KCNMA1: variants seen among roughly 807,000 people sequenced by gnomAD.
KCNMA1 encodes the protein Calcium-activated potassium channel subunit alpha-1.
A neutral mutation model predicts 140.0 loss-of-function variants in KCNMA1; 29 were observed. That is an observed-to-expected ratio of 0.21 (90% CI 0.15 to 0.28). The LOEUF is 0.28. Among genes scored for constraint, KCNMA1 ranks in the 10% least tolerant of loss-of-function variants. The pLI, the probability that KCNMA1 is intolerant of heterozygous loss-of-function variation, is 1.00. For missense variants in KCNMA1, 880 were observed against 1,602.2 expected, an observed-to-expected ratio of 0.55 and a Z score of 7.70; for synonymous variants, 612 against 611.9, an observed-to-expected ratio of 1.00 and a Z score of 0.00.
intron 2 of KCNMA1, among the ~76,000 whole-genome samples, chr10:77,338,347 G>C (rs891312890): frequency 2.2e-5 from 1 of 44,748 alleles, no homozygotes; most frequent in Non-Finnish European, 4.8e-5. Flanking sequence ...TGGATCCCTG[G>C]CTCAATTACT....
In KCNMA1 at chr10:77,454,779, A is replaced by G. The variant is rs561402406; in HGVS notation, c.379-50756T>C. Reference sequence around the variant, plus strand: ...TGCAGCCTTCCATCACTCTTGGGCTATATTCTCTCTTAAGGTCTTCATATG... The same window carrying G: ...TGCAGCCTTCCATCACTCTTGGGCTGTATTCTCTCTTAAGGTCTTCATATG... On this transcript the variant is annotated intron_variant, in intron 1 of 27. Transcript: ENST00000286628. 1.2e-4 allele frequency among the ~76,000 whole-genome samples: 19 copies of G among 152,318 alleles called. 1 individual carries two copies. In the South Asian group the frequency reaches 3.7e-3, roughly 30 times the overall value.
chr10:77,411,392 A>G (rs1235113821), intron 1 of KCNMA1, among the ~76,000 whole-genome samples: 1 of 152,226 alleles, frequency 6.6e-6, no homozygotes, highest in Non-Finnish European at 1.5e-5. Flanking sequence ...ACTAGTAAAT[A>G]GTACTACTAA....
chr10:77,361,418 C>G (rs2093937987), intron 2 of KCNMA1, among the ~76,000 whole-genome samples: 1 of 152,216 alleles, frequency 6.6e-6, no homozygotes, highest in African/African-American at 2.4e-5. Context: ...ACAGGGACTT[C>G]CTCCCAGGAG....
chr10:77,517,466 G>T (rs2050978927), intron 1 of KCNMA1, among the ~76,000 whole-genome samples: 1 of 152,194 alleles, frequency 6.6e-6, no homozygotes, highest in African/African-American at 2.4e-5. Flanking sequence ...CAGGACATGG[G>T]CGTGTTATTA....
intron 5 of KCNMA1, among the ~76,000 whole-genome samples, chr10:77,142,228 G>A (rs7922300): frequency 0.43 from 65,602 of 151,470 alleles, 14,923 homozygotes; most frequent in Non-Finnish European, 0.49. Flanking sequence ...AAAATTAGCC[G>A]GGCGTGGTGG....
At chr10:77,587,733 G>A (rs1603637759) in intron 1 of KCNMA1, 9 of 985,410 alleles carry the variant, frequency 9.1e-6, no homozygotes, top group East Asian at 1.1e-4. Flanking sequence ...AGGCTGTTTT[G>A]CTTTCCCAGG....
intron 1 of KCNMA1, among the ~76,000 whole-genome samples, chr10:77,485,050 C>T (rs1008940290): frequency 5.3e-5 from 8 of 152,198 alleles, no homozygotes; most frequent in African/African-American, 1.9e-4. Flanking sequence ...CTCTAAGACT[C>T]ACTCTCTCCT....
intron 2 of KCNMA1, among the ~76,000 whole-genome samples, chr10:77,305,402 A>G (rs375125201): frequency 5.3e-5 from 8 of 152,346 alleles, no homozygotes; most frequent in African/African-American, 1.9e-4. Context: ...ACTTATAGAG[A>G]AAGAAACGAA....
At chr10:77,129,168 T>G (rs1262841213) in intron 5 of KCNMA1, among the ~76,000 whole-genome samples, 1 of 152,190 alleles carries the variant, frequency 6.6e-6, no homozygotes, top group Non-Finnish European at 1.5e-5. Flanking sequence ...TAACCTTTAA[T>G]TTGTTAATCT....
At chr10:77,269,477 A>G (rs889049321) in intron 2 of KCNMA1, among the ~76,000 whole-genome samples, 1 of 152,190 alleles carries the variant, frequency 6.6e-6, no homozygotes, top group Non-Finnish European at 1.5e-5. Context: ...ATATCCTCTC[A>G]GGGAAAGATA....
At position 77,637,581 on chromosome 10, in the gene KCNMA1, CT is replaced by C. The variant is rs1568034441; in HGVS notation, c.61del (p.Ser21AlafsTer5). ...GATATTGCTACTCATTCTAAGACTG[CT>C]GCCTCCGCCGCCGCCGCCGCCGCCG... The part of the protein sequence containing the change: ...SSGGGGGGGG[S>X]SLRMSSNIHA... On this transcript the variant is annotated frameshift_variant, in exon 1 of 28. Coordinates refer to ENST00000286628, the MANE Select transcript of KCNMA1 (RefSeq NM_001161352.2). LOFTEE classifies it high-confidence loss of function. The C allele has an allele frequency of 1.3e-6, 2 of 1,532,916 alleles. No individual in the cohort carries two copies. Among genetic ancestry groups the C allele is most frequent in the Admixed American group, 4.0e-5 (2 of 50,362 alleles). 95.0% of individuals were successfully genotyped at this position (1,532,916 alleles called of 1,614,324 possible).
At chr10:77,290,888 CATT>C (rs1343602397) in intron 2 of KCNMA1, among the ~76,000 whole-genome samples, 1 of 152,140 alleles carries the variant, frequency 6.6e-6, no homozygotes, top group African/African-American at 2.4e-5. Context: ...AAAGCTGTGG[CATT>C]TTTCTCATCA....
intron 5 of KCNMA1, among the ~76,000 whole-genome samples, chr10:77,139,494 C>G (rs1369570474): frequency 3.9e-5 from 6 of 152,200 alleles, no homozygotes; most frequent in Non-Finnish European, 2.9e-5. Context: ...TGCTTGCCAA[C>G]TGGAATTTTG....
intron 1 of KCNMA1, 59 bp downstream of exon 1, chr10:77,637,206 G>C (rs2093847914): frequency 8.1e-6 from 12 of 1,474,714 alleles, no homozygotes; most frequent in Non-Finnish European, 1.1e-5. Flanking sequence ...GTGGGCTGCA[G>C]GGGACGCCGA....
chr10:77,294,883 C>T lies in KCNMA1; in HGVS notation c.541-43627G>A, dbSNP rs1032305748. Among the ~76,000 whole-genome samples, 3 of 152,212 alleles carry T rather than the reference C, an allele frequency of 2.0e-5. No homozygotes were observed. The East Asian group carries it at 5.8e-4, about 29-fold the overall frequency. ...GCAGTCAGCCGAGATTGTGCCACTG[C>T]ACTCCAGCCTGGACAACAGAGCAAG... is the stretch of plus-strand genomic sequence containing the variant. On this transcript the variant is annotated intron_variant, in intron 2 of 27. Transcript: ENST00000286628.
chr10:77,330,970 C>A (rs1439721120), intron 2 of KCNMA1, among the ~76,000 whole-genome samples: 1 of 152,064 alleles, frequency 6.6e-6, no homozygotes, highest in Non-Finnish European at 1.5e-5. Flanking sequence ...TAGGAGGGTC[C>A]TATTGTTATT....
At chr10:77,326,107 G>A (rs1565993720) in intron 2 of KCNMA1, among the ~76,000 whole-genome samples, 2 of 152,320 alleles carry the variant, frequency 1.3e-5, no homozygotes, top group East Asian at 3.9e-4. Context: ...GTGATTGGAA[G>A]CCATTCATTC....
chr10:77,541,461 T>A (rs1386671020), intron 1 of KCNMA1, among the ~76,000 whole-genome samples: 1 of 152,032 alleles, frequency 6.6e-6, no homozygotes, highest in Non-Finnish European at 1.5e-5. Context: ...CATGAGACTG[T>A]GAAATAGAGA....
At chr10:76,949,990 C>T (rs1272951435) in intron 21 of KCNMA1, among the ~76,000 whole-genome samples, 1 of 152,084 alleles carries the variant, frequency 6.6e-6, no homozygotes, top group African/African-American at 2.4e-5. Context: ...TGTTTTTGTG[C>T]TTCAAAATGG....
Sources: allele counts gnomAD v4.1 joint callset (sites outside exome capture counted in the v4.1 genomes callset), GRCh38; gene constraint gnomAD v4.1.1; transcripts MANE v1.5; gene names NCBI Gene and HGNC (gene_info 2026-07-23, HGNC 2026-07-21).